Variants in CYP3A4 observed in about 807,000 individuals in gnomAD.
CYP3A4 encodes the protein cytochrome P450 family 3 subfamily A member 4.
A neutral mutation model predicts 54.9 loss-of-function variants in CYP3A4; 41 were observed. The observed-to-expected ratio is 0.75, with a 90% CI of 0.58 to 0.97. The LOEUF is 0.97. Among genes scored for constraint, CYP3A4 ranks in the 50% least tolerant of loss-of-function variants. The pLI, the probability that CYP3A4 is intolerant of heterozygous loss-of-function variation, is 0.00. For synonymous variants in CYP3A4, 179 were observed against 205.2 expected, an observed-to-expected ratio of 0.87 and a Z score of 1.09; for missense variants, 510 against 597.3, an observed-to-expected ratio of 0.85 and a Z score of 1.52.
At chr7:99,776,483 C>T (rs1815774091) in intron 3 of CYP3A4, among the ~76,000 whole-genome samples, 2 of 152,168 alleles carry the variant, frequency 1.3e-5, no homozygotes, top group South Asian at 4.1e-4. Flanking sequence ...AAATGTGCCA[C>T]GTATACCCCA....
chr7:99,783,744 G>C (rs1815986714), intron 1 of CYP3A4, among the ~76,000 whole-genome samples: 1 of 151,852 alleles, frequency 6.6e-6, no homozygotes, highest in Non-Finnish European at 1.5e-5. Flanking sequence ...AAGTAGCTGG[G>C]AATACAGGCG....
At chr7:99,770,607 A>G (rs1815607904) in intron 4 of CYP3A4, among the ~76,000 whole-genome samples, 1 of 152,202 alleles carries the variant, frequency 6.6e-6, no homozygotes, top group Non-Finnish European at 1.5e-5. Context: ...ACAGACAAGC[A>G]GGTGACTTTG....
At chr7:99,774,266 A>G (rs887967805) in intron 3 of CYP3A4, among the ~76,000 whole-genome samples, 2 of 151,988 alleles carry the variant, frequency 1.3e-5, no homozygotes, top group African/African-American at 4.8e-5. Flanking sequence ...CAGAGATACA[A>G]AGAGGAGCTG....
At chr7:99,777,259 A>G (rs115486928) in intron 3 of CYP3A4, among the ~76,000 whole-genome samples, 20 of 152,216 alleles carry the variant, frequency 1.3e-4, no homozygotes, top group African/African-American at 4.6e-4. Context: ...TAAGGAAAAA[A>G]AAAAAGAAGA....
chr7:99,768,249 G>A, intron 7 of CYP3A4, 105 bp downstream of exon 7: 7 of 1,263,240 alleles, frequency 5.5e-6, no homozygotes, highest in Non-Finnish European at 6.7e-6. Context: ...ACAAATCACT[G>A]AACTGTATAT....
chr7:99,783,155 C>T (rs1212252316), intron 1 of CYP3A4, among the ~76,000 whole-genome samples: 1 of 152,014 alleles, frequency 6.6e-6, no homozygotes, highest in African/African-American at 2.4e-5. Context: ...TTCTATTTTC[C>T]TGTCATTATG....
chr7:99,758,032 C>G lies in CYP3A4; in HGVS notation c.*101G>C, dbSNP rs1584538227. The G allele has an allele frequency of 3.2e-6, 3 of 932,242 alleles. No homozygotes were observed. The highest frequency in any genetic ancestry group is 3.7e-5 in the Admixed American group (2 of 54,142). The allele number at this position is 932,242 out of a possible 1,614,324, so 57.7% of individuals were successfully genotyped here. ...TATTTATGCAGTCCATTGGATGAAG[C>G]CCATCTTCATTTCAGAGTTCTATTC... is the stretch of plus-strand genomic sequence containing the variant. On this transcript the variant is annotated 3_prime_UTR_variant, in exon 13 of 13. Transcript: ENST00000651514.
intron 6 of CYP3A4, chr7:99,769,519 T>C: frequency 2.0e-6 from 1 of 506,210 alleles, no homozygotes; most frequent in Non-Finnish European, 3.6e-6. Context: ...TTCTAGAATA[T>C]CCAAGGTGAC....
intron 8 of CYP3A4, 67 bp from the exon 9 acceptor site, chr7:99,766,510 G>C (rs61669317): frequency 1.3e-4 from 212 of 1,596,568 alleles, no homozygotes; most frequent in Non-Finnish European, 1.8e-4. Flanking sequence ...AATCACAAGC[G>C]TGGTCCTTGA....
chr7:99,766,245 TAACATTCA>T, intron 9 of CYP3A4, 124 bp downstream of exon 9: 1 of 1,116,528 alleles, frequency 9.0e-7, no homozygotes, highest in Non-Finnish European at 1.3e-6. Flanking sequence ...CTACCACTTA[TAACATTCA>T]AACATGTGTC....
Position 99,763,879 on chromosome 7 carries a change from T to C in CYP3A4, c.1002A>G (p.Glu334=), listed in dbSNP as rs1332897300. Residue 334 remains glutamate (E), a synonymous_variant, in exon 10 of 13, where the codon GAA becomes GAG. Transcript: ENST00000651514. ...CCTTATTGGGTAAAACTGCATCAAT[T>C]TCCTCCTGCAGTTTCTGCTGGACAT... is the stretch of plus-strand genomic sequence containing the variant. ...HPDVQQKLQE[E]IDAVLPNKAP... 6.2e-7 allele frequency: 1 copy of C among 1,614,020 alleles called. No individual in the cohort carries two copies. Among genetic ancestry groups the C allele is most frequent in the African/African-American group, 1.3e-5 (1 of 75,036 alleles).
Position 99,769,805 on chromosome 7 carries a change from G to C in CYP3A4, c.484C>G (p.Arg162Gly). The C allele has an allele frequency of 6.2e-7, 1 of 1,613,856 alleles. No individual in the cohort carries two copies. Among genetic ancestry groups the C allele is most frequent in the South Asian group, 1.1e-5 (1 of 91,066 alleles). The change falls in exon 6 of 13, where the codon CGG (arginine) becomes GGG (glycine). Residue 162 changes from arginine (R) to glycine (G), a missense_variant. By Grantham distance (125) the Arg-to-Gly change is moderately radical (BLOSUM62 -2). This residue lies in a region of CYP3A4 where 272 missense variants were observed against 274.9 expected (regional missense o/e 0.99). Coordinates refer to ENST00000651514, the MANE Select transcript of CYP3A4 (RefSeq NM_017460.6). ...ACAGGCTTGCCTGTCTCTGCTTCCC[G>C]CCTCAGATTTCTCACCAACACATCT... ...YGDVLVRNLR[R>G]EAETGKPVTL...
chr7:99,778,119 T>C, intron 2 of CYP3A4, 39 bp from the exon 3 acceptor site: 1 of 1,507,224 alleles, frequency 6.6e-7, no homozygotes, highest in Non-Finnish European at 9.2e-7. Flanking sequence ...TTATTATTTT[T>C]AATGTACTTA....
At chr7:99,769,745 C>T in intron 6 of CYP3A4, 23 bp downstream of exon 6, 1 of 1,613,554 alleles carries the variant, frequency 6.2e-7, no homozygotes, top group East Asian at 2.2e-5. Context: ...AGCTCAGAAC[C>T]CCATGGCTGC....
At chr7:99,780,450 T>C (rs1263820128) in intron 1 of CYP3A4, among the ~76,000 whole-genome samples, 1 of 152,152 alleles carries the variant, frequency 6.6e-6, no homozygotes, top group African/African-American at 2.4e-5. Flanking sequence ...CTCCCCAAAT[T>C]TGGGGATTCT....
At position 99,769,784 on chromosome 7, in the gene CYP3A4, G is replaced by T. The variant is rs763047916; in HGVS notation, c.505C>A (p.Pro169Thr). Residue 169 changes from proline (P) to threonine (T), a missense_variant, in exon 6 of 13, where the codon CCT (proline) becomes ACT (threonine). Coordinates refer to ENST00000651514, the MANE Select transcript of CYP3A4 (RefSeq NM_017460.6). ...TCTACTTACTCTTTCAAGGTGACAG[G>T]CTTGCCTGTCTCTGCTTCCCGCCTC... The part of the protein sequence containing the change: ...NLRREAETGK[P>T]VTLKDVFGAY... 3 of 1,613,804 alleles carry T rather than the reference G, an allele frequency of 1.9e-6. No individual in the cohort carries two copies. Among genetic ancestry groups the T allele is most frequent in the Non-Finnish European group, 2.5e-6 (3 of 1,179,894 alleles).
rs1463110734 is a variant in CYP3A4 at position 99,758,082 on chromosome 7, G to A, written c.*51C>T. ...CACAAAGTAATTTGAGGTCTCTGGT[G>A]TTCTCAGGCACAGATTTCTTGAAGA... On this transcript the variant is annotated 3_prime_UTR_variant, in exon 13 of 13. Transcript: ENST00000651514. The A allele has an allele frequency of 1.4e-6, 2 of 1,452,858 alleles. No homozygotes were observed. Among genetic ancestry groups the A allele is most frequent in the Admixed American group, 3.3e-5 (2 of 59,718 alleles). The allele number at this position is 1,452,858 out of a possible 1,614,324, so 90.0% of individuals were successfully genotyped here. A position where few individuals can be genotyped will look rare whatever the true frequency, so the allele number is the denominator to read the frequency against.
intron 12 of CYP3A4, among the ~76,000 whole-genome samples, chr7:99,759,267 A>T (rs1035981190): frequency 5.3e-5 from 8 of 152,264 alleles, no homozygotes; most frequent in Non-Finnish European, 8.8e-5. Context: ...AATAAGATTT[A>T]TAGGGTATTG....
rs1584552964 is a variant in CYP3A4 at position 99,784,134 on chromosome 7, T to G, written c.-53A>C. Reference sequence around the variant, plus strand: ...TCTGAGTCTTCCTTTCAGCTCTGTGTTGCTCTTTGCTGGGCTATGTGCATG... The same window carrying G: ...TCTGAGTCTTCCTTTCAGCTCTGTGGTGCTCTTTGCTGGGCTATGTGCATG... On this transcript the variant is annotated 5_prime_UTR_variant, in exon 1 of 13. Coordinates refer to ENST00000651514, the MANE Select transcript of CYP3A4 (RefSeq NM_017460.6). The G allele has an allele frequency of 2.6e-6, 4 of 1,534,986 alleles. No individual in the cohort carries two copies. In the East Asian group the frequency reaches 9.0e-5, roughly 35 times the overall value.
Sources: allele counts gnomAD v4.1 joint callset (sites outside exome capture counted in the v4.1 genomes callset), GRCh38; gene constraint gnomAD v4.1.1; regional missense constraint gnomAD v4.1.1; transcripts MANE v1.5; gene names NCBI Gene and HGNC (gene_info 2026-07-23, HGNC 2026-07-21).